The following RNF217 variants were observed in gnomAD, a reference collection of about 807,000 sequenced individuals.
RNF217 encodes the protein E3 ubiquitin-protein ligase RNF217.
RNF217 carries 31 observed loss-of-function variants against 57.8 expected under a neutral mutation model. That is an observed-to-expected ratio of 0.54 (90% CI 0.40 to 0.72). The LOEUF is 0.72. Ranked by LOEUF, RNF217 falls within the 30% of genes least tolerant of loss-of-function variation. RNF217 has a pLI of 0.00. For synonymous variants in RNF217, 313 were observed against 294.0 expected (o/e 1.06, Z -0.66); for missense variants, 696 against 708.3 (o/e 0.98, Z 0.20).
intron 2 of RNF217, among the ~76,000 whole-genome samples, chr6:125,052,320 G>GTGTGTGTGTGT (rs1554291658): frequency 4.2e-5 from 6 of 141,300 alleles, no homozygotes; most frequent in Non-Finnish European, 7.4e-5. Context: ...GTGTGTGTGT[G>GTGTGTGTGTGT]GTTTTATTTG....
At chr6:124,985,496 A>G (rs1038781087) in intron 1 of RNF217, among the ~76,000 whole-genome samples, 3 of 152,168 alleles carry the variant, frequency 2.0e-5, no homozygotes, top group South Asian at 2.1e-4. Context: ...ATCATTAGGA[A>G]ATGTGTGAGA....
chr6:124,979,072 A>C (rs990801247), intron 1 of RNF217, among the ~76,000 whole-genome samples: 1 of 152,140 alleles, frequency 6.6e-6, no homozygotes, highest in African/African-American at 2.4e-5. Context: ...TGGTGATAGA[A>C]GTTCTCACTC....
At position 124,962,583 on chromosome 6, in the gene RNF217, GC is replaced by G; in HGVS notation, c.43del (p.Gln15ArgfsTer181). ...EQSTVSGGGG[P>X]QESQTLASGT... is the part of the protein sequence containing the mutation. ...AGAGCACGGTGAGCGGCGGCGGCGGGCCCCAGGAGTCGCAGACCCTGGCCAG... is the reference window on the plus strand; with the variant it reads ...AGAGCACGGTGAGCGGCGGCGGCGGGCCCAGGAGTCGCAGACCCTGGCCAG... On this transcript the variant is annotated frameshift_variant, in exon 1 of 6. Transcript: ENST00000521654. LOFTEE classifies it high-confidence loss of function. The surrounding 1 kb of genome is among the most constrained non-coding windows in gnomAD (Gnocchi z 4.6). 10 of 1,274,868 alleles carry G rather than the reference GC, an allele frequency of 7.8e-6. No homozygotes were observed. The highest frequency in any genetic ancestry group is 3.0e-4 in the Middle Eastern group (1 of 3,306). 79.0% of individuals were successfully genotyped at this position (1,274,868 alleles called of 1,614,324 possible).
intron 3 of RNF217, among the ~76,000 whole-genome samples, chr6:125,063,549 T>G (rs1787826353): frequency 6.6e-6 from 1 of 152,178 alleles, no homozygotes; most frequent in African/African-American, 2.4e-5. Context: ...CAGTCTCCTC[T>G]GTAGTTACTA....
intron 1 of RNF217, among the ~76,000 whole-genome samples, chr6:124,992,322 A>G (rs1784589782): frequency 6.6e-6 from 1 of 152,202 alleles, no homozygotes; most frequent in South Asian, 2.1e-4. Context: ...CTGGTTTTGT[A>G]CAAAGCTACA....
rs532550991 is a variant in RNF217, at chr6:125,035,106, A to G, written c.883-10105A>G. Among the ~76,000 whole-genome samples the G allele has an allele frequency of 1.4e-4, 21 of 152,276 alleles. No homozygotes were observed. In the South Asian group the frequency reaches 2.3e-3, roughly 17 times the overall value. The stretch of plus-strand genomic sequence containing the variant: ...CTTAAGGAGATTTTGGGCAGAGACA[A>G]TGGGGTTTTCTAGATATACAATGAT... On this transcript the variant is annotated intron_variant, in intron 1 of 5. Coordinates refer to ENST00000521654, the MANE Select transcript of RNF217 (RefSeq NM_001286398.3).
At chr6:125,011,608 CA>C (rs1267391816) in intron 1 of RNF217, among the ~76,000 whole-genome samples, 4 of 152,082 alleles carry the variant, frequency 2.6e-5, no homozygotes, top group South Asian at 2.1e-4. Context: ...CATCTACTGA[CA>C]TTAGTGTAGA....
intron 1 of RNF217, among the ~76,000 whole-genome samples, chr6:124,966,838 A>G (rs1171610937): frequency 6.6e-6 from 1 of 152,242 alleles, no homozygotes; most frequent in Non-Finnish European, 1.5e-5. Context: ...TGTCATCAAT[A>G]TTTCAATATA....
intron 1 of RNF217, among the ~76,000 whole-genome samples, chr6:124,994,186 A>G (rs1477278533): frequency 6.6e-6 from 1 of 152,188 alleles, no homozygotes; most frequent in Non-Finnish European, 1.5e-5. Context: ...TAAATGTTTA[A>G]ACATATTTTT....
rs926007919 is a variant in RNF217 at position 124,988,062 on chromosome 6, C to T, written c.882+24636C>T. Reference sequence around the variant, plus strand: ...TGAGCGAGCATTACCACCTGAGCTCCGCCTCCTATCAGGTCAGCGAAGGCA... The same window carrying T: ...TGAGCGAGCATTACCACCTGAGCTCTGCCTCCTATCAGGTCAGCGAAGGCA... On this transcript the variant is annotated intron_variant, in intron 1 of 5. Transcript: ENST00000521654. Among the ~76,000 whole-genome samples, 18 of 152,084 alleles carry T rather than the reference C, an allele frequency of 1.2e-4. No individual in the cohort carries two copies. The South Asian group carries it at 1.2e-3, about 11-fold the overall frequency.
At chr6:125,059,777 A>T (rs1787662757) in intron 3 of RNF217, among the ~76,000 whole-genome samples, 1 of 152,204 alleles carries the variant, frequency 6.6e-6, no homozygotes, top group African/African-American at 2.4e-5. Context: ...ACAAATGTAG[A>T]TAAACTGTTA....
intron 2 of RNF217, among the ~76,000 whole-genome samples, chr6:125,051,447 C>G (rs961652666): frequency 6.6e-5 from 10 of 151,864 alleles, no homozygotes; most frequent in African/African-American, 2.4e-4. Flanking sequence ...ATCTACCACC[C>G]TCTGTGCTAC....
intron 1 of RNF217, among the ~76,000 whole-genome samples, chr6:124,997,944 A>G (rs1482479541): frequency 3.3e-5 from 5 of 152,094 alleles, no homozygotes; most frequent in Non-Finnish European, 5.9e-5. Context: ...GGTGACTCCA[A>G]AATTTCCATG....
rs188670299 is a variant in RNF217 at position 125,038,689 on chromosome 6, C to T, written c.883-6522C>T. On this transcript the variant is annotated intron_variant, in intron 1 of 5. Transcript: ENST00000521654. ...CAATTTGCTAGAAGACTATCAATGCCAATTTAATTGCTACATTCTCAAGGT... is the reference window on the plus strand; with the variant it reads ...CAATTTGCTAGAAGACTATCAATGCTAATTTAATTGCTACATTCTCAAGGT... Among the ~76,000 whole-genome samples the T allele has an allele frequency of 2.0e-4, 31 of 152,158 alleles. No homozygotes were observed. In the East Asian group the frequency reaches 5.8e-3, roughly 28 times the overall value.
At chr6:124,972,701 G>C (rs1783807149) in intron 1 of RNF217, among the ~76,000 whole-genome samples, 1 of 151,970 alleles carries the variant, frequency 6.6e-6, no homozygotes, top group African/African-American at 2.4e-5. Context: ...TTCTTTCCTT[G>C]CTGCCCTAAC....
intron 1 of RNF217, among the ~76,000 whole-genome samples, chr6:125,001,923 G>T (rs1785003505): frequency 1.3e-5 from 2 of 152,180 alleles, no homozygotes; most frequent in South Asian, 2.1e-4. Flanking sequence ...GTATTCTCAG[G>T]CAGACCTCTA....
chr6:125,026,552 T>C (rs1387498778), intron 1 of RNF217, among the ~76,000 whole-genome samples: 1 of 152,210 alleles, frequency 6.6e-6, no homozygotes, highest in Admixed American at 6.5e-5. Context: ...AAACGTGTCA[T>C]CAGTACTCCA....
At chr6:125,002,720 C>T (rs1329226389) in intron 1 of RNF217, among the ~76,000 whole-genome samples, 1 of 152,138 alleles carries the variant, frequency 6.6e-6, no homozygotes, top group Non-Finnish European at 1.5e-5. Context: ...GATTTTCGTG[C>T]TGGCTTATCA....
At chr6:124,993,192 A>T (rs1025153211) in intron 1 of RNF217, among the ~76,000 whole-genome samples, 1 of 152,204 alleles carries the variant, frequency 6.6e-6, no homozygotes, top group Non-Finnish European at 1.5e-5. Flanking sequence ...TGAGGCATCT[A>T]TTAAAAAATA....
Sources: gnomAD v4.1 joint callset for allele counts (sites outside exome capture counted in the v4.1 genomes callset) on GRCh38, gnomAD v4.1.1 for gene constraint, Gnocchi (gnomAD v3.1) non-coding constraint, MANE v1.5 for transcripts, NCBI Gene and HGNC (gene_info 2026-07-23, HGNC 2026-07-21) for gene names.